The following CRPPA variants were observed in gnomAD, a reference collection of about 807,000 sequenced individuals.
CRPPA encodes D-ribitol-5-phosphate cytidylyltransferase.
Under a neutral mutation model 52.0 loss-of-function variants are expected in CRPPA, and 43 were observed. The observed-to-expected ratio is 0.83, with a 90% CI of 0.65 to 1.07. The LOEUF (loss-of-function observed/expected upper bound fraction) is 1.07. CRPPA is among the 50% of genes least tolerant of loss of function. The probability of loss-of-function intolerance (pLI) is 0.00; values close to 1 mark genes in which losing one functional copy is unlikely to be tolerated. For synonymous variants in CRPPA, 250 were observed against 203.5 expected (o/e 1.23, Z -1.94); for missense variants, 629 against 551.7 (o/e 1.14, Z -1.40).
At chr7:16,197,527 G>A (rs1195524873) in intron 9 of CRPPA, among the ~76,000 whole-genome samples, 1 of 151,420 alleles carries the variant, frequency 6.6e-6, no homozygotes. Flanking sequence ...TTTAAGAAAC[G>A]GTTTCATCAT....
intron 8 of CRPPA, among the ~76,000 whole-genome samples, chr7:16,229,289 T>C (rs1408639659): frequency 6.6e-6 from 1 of 152,076 alleles, no homozygotes; most frequent in Non-Finnish European, 1.5e-5. Context: ...TAATTATTGA[T>C]AGGTACAGAC....
rs146184073 is a variant in CRPPA, at chr7:16,369,271, A to G, written c.684+6821T>C. ...AGGGTCGTGACTGATTTGAGCAAGC[A>G]GGGGGTACATGACAGGGGCTGCATG... On this transcript the variant is annotated intron_variant, in intron 3 of 9. Transcript: ENST00000407010. Among the ~76,000 whole-genome samples, 299 of 152,340 alleles carry G rather than the reference A, an allele frequency of 2.0e-3. 2 individuals are homozygous for G. Among genetic ancestry groups the G allele is most frequent in the African/African-American group, 6.9e-3 (289 of 41,586 alleles).
chr7:16,406,682 T>C (rs910572195), intron 1 of CRPPA, among the ~76,000 whole-genome samples: 10 of 152,198 alleles, frequency 6.6e-5, no homozygotes, highest in Admixed American at 5.9e-4. Flanking sequence ...AGTTGGGATA[T>C]GCTTTTAAAT....
chr7:16,108,698 C>T (rs890338915), intron 9 of CRPPA, among the ~76,000 whole-genome samples: 4 of 151,784 alleles, frequency 2.6e-5, no homozygotes, highest in Non-Finnish European at 5.9e-5. Flanking sequence ...ATAGATCTCA[C>T]ATGTTAGAGC....
intron 2 of CRPPA, among the ~76,000 whole-genome samples, chr7:16,379,566 T>C (rs1378643141): frequency 6.6e-6 from 1 of 152,216 alleles, no homozygotes; most frequent in Admixed American, 6.5e-5. Flanking sequence ...ATTGAATCTA[T>C]AAATTACCTT....
intron 8 of CRPPA, among the ~76,000 whole-genome samples, chr7:16,227,021 ACTTAATATAATGTC>A (rs1432902348): frequency 6.6e-6 from 1 of 151,888 alleles, no homozygotes; most frequent in Non-Finnish European, 1.5e-5. Flanking sequence ...GGCTTACTTC[ACTTAATATAATGTC>A]CTCCAGATTC....
rs1243785211 is a variant in CRPPA at position 16,087,859 on chromosome 7, G to C, written c.*3836C>G. On this transcript the variant is annotated 3_prime_UTR_variant, in exon 10 of 10. Coordinates refer to ENST00000407010, the MANE Select transcript of CRPPA (RefSeq NM_001101426.4). Reference sequence around the variant, plus strand: ...ATTAAGATGTTAGATTTATGCCTCTGTGAATTTGTAGTTTCAACATTAAAA... The same window carrying C: ...ATTAAGATGTTAGATTTATGCCTCTCTGAATTTGTAGTTTCAACATTAAAA... The C allele has an allele frequency of 2.0e-5, 3 of 152,104 alleles. No homozygotes were observed. The highest frequency in any genetic ancestry group is 4.4e-5 in the Non-Finnish European group (3 of 68,000). The allele number at this position is 152,104 out of a possible 1,614,324, so 9.4% of individuals were successfully genotyped here. A position where few individuals can be genotyped will look rare whatever the true frequency, so the allele number is the denominator to read the frequency against.
chr7:16,188,177 G>A (rs1781542715), intron 9 of CRPPA, among the ~76,000 whole-genome samples: 1 of 151,606 alleles, frequency 6.6e-6, no homozygotes, highest in Non-Finnish European at 1.5e-5. Context: ...GTAGAGACGG[G>A]GTTTCACTGT....
chr7:16,386,855 A>G (rs1787282650), intron 2 of CRPPA, among the ~76,000 whole-genome samples: 1 of 151,628 alleles, frequency 6.6e-6, no homozygotes, highest in Non-Finnish European at 1.5e-5. Flanking sequence ...CCCTGACTCT[A>G]CTAAAAATAT....
chr7:16,209,530 C>T (rs1583430562), intron 9 of CRPPA, among the ~76,000 whole-genome samples: 1 of 152,038 alleles, frequency 6.6e-6, no homozygotes, highest in East Asian at 1.9e-4. Flanking sequence ...CCTCAGCTTC[C>T]CAAAGTGTTG....
intron 3 of CRPPA, among the ~76,000 whole-genome samples, chr7:16,361,499 G>T (rs1786441580): frequency 6.6e-6 from 1 of 152,166 alleles, no homozygotes; most frequent in South Asian, 2.1e-4. Context: ...ACAAAATGTG[G>T]TATGTACATA....
chr7:16,129,047 A>C (rs1782634080), intron 9 of CRPPA, among the ~76,000 whole-genome samples: 1 of 152,196 alleles, frequency 6.6e-6, no homozygotes, highest in South Asian at 2.1e-4. Context: ...GAAAGATTCA[A>C]AATTTCAGTA....
At chr7:16,234,093 A>G (rs2128403895) in intron 8 of CRPPA, among the ~76,000 whole-genome samples, 1 of 152,282 alleles carries the variant, frequency 6.6e-6, no homozygotes, top group African/African-American at 2.4e-5. Flanking sequence ...TTTGTTTTCA[A>G]CTTAACATTT....
At chr7:16,325,434 T>C (rs774659980) in intron 3 of CRPPA, among the ~76,000 whole-genome samples, 5 of 152,176 alleles carry the variant, frequency 3.3e-5, no homozygotes, top group Non-Finnish European at 5.9e-5. Context: ...AACATGTCTT[T>C]CTTCAAAATG....
chr7:16,162,710 G>C (rs1477427745), intron 9 of CRPPA, among the ~76,000 whole-genome samples: 2 of 152,092 alleles, frequency 1.3e-5, no homozygotes, highest in Non-Finnish European at 2.9e-5. Flanking sequence ...GTCCAGAGCT[G>C]AGTTTAATTC....
At chr7:16,352,414 C>CA (rs1786179783) in intron 3 of CRPPA, among the ~76,000 whole-genome samples, 1 of 135,364 alleles carries the variant, frequency 7.4e-6, no homozygotes, top group Admixed American at 7.7e-5. Flanking sequence ...ATAAATACAA[C>CA]AAAAAATTTA....
At chr7:16,238,895 T>C (rs559838962) in intron 8 of CRPPA, among the ~76,000 whole-genome samples, 1 of 152,216 alleles carries the variant, frequency 6.6e-6, no homozygotes, top group South Asian at 2.1e-4. Context: ...CCCAGCACTC[T>C]GGGAGGCCAA....
intron 2 of CRPPA, among the ~76,000 whole-genome samples, chr7:16,397,230 A>C (rs1787614516): frequency 6.6e-6 from 1 of 152,252 alleles, no homozygotes; most frequent in Non-Finnish European, 1.5e-5. Context: ...TGTGATACGA[A>C]CATAACATGT....
intron 9 of CRPPA, among the ~76,000 whole-genome samples, chr7:16,122,412 AAAG>A (rs1257165375): frequency 6.6e-6 from 1 of 152,082 alleles, no homozygotes; most frequent in Non-Finnish European, 1.5e-5. Context: ...TAAACTTAGA[AAAG>A]AAAAAAACAA....
Sources: gnomAD v4.1 joint callset for allele counts (sites outside exome capture counted in the v4.1 genomes callset) on GRCh38, gnomAD v4.1.1 for gene constraint, MANE v1.5 for transcripts, NCBI Gene and HGNC (gene_info 2026-07-23, HGNC 2026-07-21) for gene names.